CSMD1: variants seen among roughly 807,000 people sequenced by gnomAD.
CSMD1 encodes the protein CUB and sushi domain-containing protein 1.
Under a neutral mutation model 417.5 loss-of-function variants are expected in CSMD1, and 213 were observed. The ratio of observed to expected loss-of-function variants is 0.51; its 90% confidence interval spans 0.46 to 0.57. The LOEUF (loss-of-function observed/expected upper bound fraction) is 0.57. Ranked by LOEUF, CSMD1 falls within the 20% of genes least tolerant of loss-of-function variation. CSMD1 has a pLI of 0.00. For missense variants in CSMD1, 6,923 were observed against 4,529.7 expected (o/e 1.53, Z -15.17); for synonymous variants, 2,862 against 1,736.8 (o/e 1.65, Z -16.11).
chr8:4,825,348 A>T (rs1799764663), intron 1 of CSMD1, among the ~76,000 whole-genome samples: 1 of 152,134 alleles, frequency 6.6e-6, no homozygotes, highest in African/African-American at 2.4e-5. Context: ...TGTGTGCGGT[A>T]AGAACACTGA....
At chr8:3,960,341 T>C (rs935480354) in intron 5 of CSMD1, among the ~76,000 whole-genome samples, 1 of 152,178 alleles carries the variant, frequency 6.6e-6, no homozygotes, top group Non-Finnish European at 1.5e-5. Context: ...CCAAATGTAA[T>C]TGACACCCTT....
intron 3 of CSMD1, among the ~76,000 whole-genome samples, chr8:4,365,947 G>A (rs1474105196): frequency 4.6e-5 from 7 of 151,784 alleles, no homozygotes; most frequent in Non-Finnish European, 4.4e-5. Flanking sequence ...ATGTTTTTAG[G>A]TTCAGGGTAT....
chr8:3,023,125 C>G (rs567735013), intron 51 of CSMD1, among the ~76,000 whole-genome samples: 1 of 152,164 alleles, frequency 6.6e-6, no homozygotes. Flanking sequence ...CGGATATAGA[C>G]GAAATACATC....
At chr8:3,818,432 A>C (rs1270612759) in intron 5 of CSMD1, among the ~76,000 whole-genome samples, 1 of 152,160 alleles carries the variant, frequency 6.6e-6, no homozygotes, top group Non-Finnish European at 1.5e-5. Context: ...TTATTAACTA[A>C]TTAACTCCTC....
At chr8:3,628,213 A>T (rs1796589980) in intron 7 of CSMD1, among the ~76,000 whole-genome samples, 1 of 152,162 alleles carries the variant, frequency 6.6e-6, no homozygotes, top group Non-Finnish European at 1.5e-5. Context: ...TTTTATTTTT[A>T]AAATTTGTGT....
intron 1 of CSMD1, among the ~76,000 whole-genome samples, chr8:4,691,040 C>G (rs115986125): frequency 0.031 from 4,666 of 152,182 alleles, 237 homozygotes; most frequent in African/African-American, 0.11. Context: ...ATTATTTTTA[C>G]GCCGTGCTTT....
intron 10 of CSMD1, among the ~76,000 whole-genome samples, chr8:3,568,397 A>G (rs574998301): frequency 1.3e-5 from 2 of 152,210 alleles, no homozygotes; most frequent in Non-Finnish European, 2.9e-5. Context: ...TCAATTATAC[A>G]TCAATAAAGC....
chr8:4,264,965 A>G (rs144413434), intron 3 of CSMD1, among the ~76,000 whole-genome samples: 36 of 152,334 alleles, frequency 2.4e-4, no homozygotes, highest in African/African-American at 8.4e-4. Flanking sequence ...AGGATAAAAT[A>G]TGCAGCTGAA....
At chr8:4,739,843 C>T (rs972463185) in intron 1 of CSMD1, among the ~76,000 whole-genome samples, 1 of 152,164 alleles carries the variant, frequency 6.6e-6, no homozygotes, top group Admixed American at 6.5e-5. Context: ...TGGCCCCCAT[C>T]CACCGTTCCT....
chr8:3,442,207 G>C (rs529273963), intron 12 of CSMD1, among the ~76,000 whole-genome samples: 17 of 152,034 alleles, frequency 1.1e-4, no homozygotes, highest in Admixed American at 1.1e-3. Flanking sequence ...AAATGAAAAG[G>C]TTTATAAAGT....
At chr8:3,943,152 T>C (rs1366302785) in intron 5 of CSMD1, among the ~76,000 whole-genome samples, 2 of 152,174 alleles carry the variant, frequency 1.3e-5, no homozygotes, top group Non-Finnish European at 2.9e-5. Context: ...TGTTATCTTA[T>C]GATAAATAAT....
chr8:4,971,238 A>C (rs1268961199), intron 1 of CSMD1, among the ~76,000 whole-genome samples: 1 of 152,082 alleles, frequency 6.6e-6, no homozygotes, highest in Non-Finnish European at 1.5e-5. Flanking sequence ...TAAGTTGATA[A>C]AGTGGTTAAA....
At chr8:4,433,755 A>C (rs1797997791) in intron 2 of CSMD1, among the ~76,000 whole-genome samples, 1 of 152,126 alleles carries the variant, frequency 6.6e-6, no homozygotes. Flanking sequence ...CTACACCTTT[A>C]TGAATTTATA....
chr8:4,759,782 T>A (rs1217837664), intron 1 of CSMD1, among the ~76,000 whole-genome samples: 2 of 152,240 alleles, frequency 1.3e-5, no homozygotes, highest in Non-Finnish European at 2.9e-5. Context: ...CCATAGTACA[T>A]ATGTACCAGT....
At chr8:4,402,517 C>A (rs1469216720) in intron 3 of CSMD1, among the ~76,000 whole-genome samples, 3 of 152,122 alleles carry the variant, frequency 2.0e-5, no homozygotes, top group Non-Finnish European at 2.9e-5. Flanking sequence ...CATATAGCAG[C>A]CCCAAAATTA....
At chr8:4,444,171 G>C (rs1447872979) in intron 2 of CSMD1, among the ~76,000 whole-genome samples, 1 of 151,606 alleles carries the variant, frequency 6.6e-6, no homozygotes, top group Non-Finnish European at 1.5e-5. Flanking sequence ...GCAAAACCCT[G>C]TGCCTACTAA....
chr8:4,602,556 G>C (rs775613844), intron 2 of CSMD1, among the ~76,000 whole-genome samples: 17 of 152,144 alleles, frequency 1.1e-4, no homozygotes, highest in Non-Finnish European at 2.4e-4. Flanking sequence ...TAGTCATTGA[G>C]ACAAGATGTA....
intron 1 of CSMD1, among the ~76,000 whole-genome samples, chr8:4,781,491 G>A (rs945438697): frequency 6.6e-6 from 1 of 152,156 alleles, no homozygotes; most frequent in African/African-American, 2.4e-5. Context: ...TCAGACACCA[G>A]CCTTTTAGAA....
At chr8:4,048,339 C>T (rs1321559891) in intron 3 of CSMD1, among the ~76,000 whole-genome samples, 2 of 152,154 alleles carry the variant, frequency 1.3e-5, no homozygotes, top group African/African-American at 4.8e-5. Context: ...TATTCAATAA[C>T]TTATTTTAAC....
Sources: allele counts gnomAD v4.1 joint callset (sites outside exome capture counted in the v4.1 genomes callset), GRCh38; gene constraint gnomAD v4.1.1; transcripts MANE v1.5; gene names NCBI Gene and HGNC (gene_info 2026-07-23, HGNC 2026-07-21).